IGF1R: variants seen among roughly 807,000 people sequenced by gnomAD.
The protein encoded by IGF1R is insulin like growth factor 1 receptor.
Under a neutral mutation model 144.6 loss-of-function variants are expected in IGF1R, and 44 were observed. That is an observed-to-expected ratio of 0.30 (90% CI 0.24 to 0.39). IGF1R has a LOEUF of 0.39. Ranked by LOEUF, IGF1R falls within the 10% of genes least tolerant of loss-of-function variation. The probability of loss-of-function intolerance (pLI) is 1.00; values close to 1 mark genes in which losing one functional copy is unlikely to be tolerated. For missense variants in IGF1R, 1,355 were observed against 1,833.7 expected (o/e 0.74, Z 4.77); for synonymous variants, 795 against 722.8 (o/e 1.10, Z -1.60).
At chr15:98,928,387 C>G (rs1005157118) in intron 13 of IGF1R, among the ~76,000 whole-genome samples, 1 of 152,318 alleles carries the variant, frequency 6.6e-6, no homozygotes. Context: ...AGTGCCTTCT[C>G]TTACTGCCAG....
intron 19 of IGF1R, 47 bp downstream of exon 19, chr15:98,943,099 G>A (rs2151719327): frequency 6.2e-7 from 1 of 1,609,920 alleles, no homozygotes; most frequent in South Asian, 1.1e-5. Context: ...CCCAGCCTCT[G>A]CACTTTCCAC....
At chr15:98,811,434 G>A (rs1471435090) in intron 2 of IGF1R, among the ~76,000 whole-genome samples, 3 of 151,434 alleles carry the variant, frequency 2.0e-5, no homozygotes, top group African/African-American at 2.4e-5. Context: ...GGAGGCTGAG[G>A]CAGGAGAATG....
chr15:98,855,096 C>A lies in IGF1R; in HGVS notation c.641-36229C>A, dbSNP rs527837154. On this transcript the variant is annotated intron_variant, in intron 2 of 20. Transcript: ENST00000650285. ...TTGTTTGTTTTTCCTGTCAATCTTG[C>A]CTTCCGCGCTAATGGGACACTGATG... 4.6e-5 allele frequency among the ~76,000 whole-genome samples: 7 copies of A among 152,344 alleles called. No individual in the cohort carries two copies. The East Asian group carries it at 1.3e-3, about 29-fold the overall frequency.
At chr15:98,895,267 CAG>C (rs1454689657) in intron 3 of IGF1R, among the ~76,000 whole-genome samples, 9 of 134,500 alleles carry the variant, frequency 6.7e-5, no homozygotes, top group African/African-American at 1.9e-4. Context: ...CACACACACA[CAG>C]AGTTAATTTC....
At chr15:98,915,511 C>T (rs1392686200) in intron 8 of IGF1R, among the ~76,000 whole-genome samples, 1 of 152,232 alleles carries the variant, frequency 6.6e-6, no homozygotes, top group East Asian at 1.9e-4. Flanking sequence ...TTCCTCTTTC[C>T]ATTTGGCTTC....
intron 2 of IGF1R, among the ~76,000 whole-genome samples, chr15:98,884,195 G>T (rs1426744511): frequency 6.6e-6 from 1 of 152,054 alleles, no homozygotes; most frequent in Non-Finnish European, 1.5e-5. Flanking sequence ...TCTCTCCTGG[G>T]TCCCCCGGGC....
intron 1 of IGF1R, among the ~76,000 whole-genome samples, chr15:98,676,033 T>C (rs1011092078): frequency 3.3e-5 from 5 of 152,096 alleles, no homozygotes; most frequent in Non-Finnish European, 5.9e-5. Context: ...TTTCCACATG[T>C]TGGCCTGGCT....
chr15:98,930,226 T>C lies in IGF1R; in HGVS notation c.2886-9T>C, dbSNP rs1325414276. The C allele has an allele frequency of 6.2e-7, 1 of 1,609,956 alleles. No individual in the cohort carries two copies. The highest frequency in any genetic ancestry group is 8.5e-7 in the Non-Finnish European group (1 of 1,176,482). On this transcript the variant is annotated splice_polypyrimidine_tract_variant and intron_variant, in intron 14 of 20. Transcript: ENST00000650285. ...GGTTTTGTTAACGTGAATTTAATCTTTTTGACAGAAATAACAGCAGGCTGG... is the reference window on the plus strand; with the variant it reads ...GGTTTTGTTAACGTGAATTTAATCTCTTTGACAGAAATAACAGCAGGCTGG...
rs2017288246 is a variant in IGF1R, at chr15:98,963,087, T to G, written c.*5645T>G. Reference sequence around the variant, plus strand: ...GAAGATCTGGTTTACAAGAACTAATTAAATGTTTCATTGCATTTTTGTAAG... The same window carrying G: ...GAAGATCTGGTTTACAAGAACTAATGAAATGTTTCATTGCATTTTTGTAAG... On this transcript the variant is annotated 3_prime_UTR_variant, in exon 21 of 21. Transcript: ENST00000650285. The G allele has an allele frequency of 4.3e-6, 1 of 233,492 alleles. No homozygotes were observed. Among genetic ancestry groups the G allele is most frequent in the African/African-American group, 2.2e-5 (1 of 45,272 alleles). 14.5% of individuals were successfully genotyped at this position (233,492 alleles called of 1,614,324 possible). A position where few individuals can be genotyped will look rare whatever the true frequency, so the allele number is the denominator to read the frequency against.
At chr15:98,931,696 TAAAAAA>T (rs61131708) in intron 15 of IGF1R, among the ~76,000 whole-genome samples, 1 of 146,352 alleles carries the variant, frequency 6.8e-6, no homozygotes, top group African/African-American at 2.5e-5. Context: ...TCTTTCCCTT[TAAAAAA>T]AAAAAAAAAA....
chr15:98,657,286 TC>T (rs1276661347), intron 1 of IGF1R, among the ~76,000 whole-genome samples: 1 of 152,228 alleles, frequency 6.6e-6, no homozygotes, highest in African/African-American at 2.4e-5. Flanking sequence ...TTTGATAACT[TC>T]CTGGAAAAAG....
rs1567059341 is a variant in IGF1R, at chr15:98,654,677, C to A, written c.94+5002C>A. 3.9e-5 allele frequency among the ~76,000 whole-genome samples: 6 copies of A among 152,232 alleles called. 1 individual carries two copies. The South Asian group carries it at 1.2e-3, about 32-fold the overall frequency. On this transcript the variant is annotated intron_variant, in intron 1 of 20. Coordinates refer to ENST00000650285, the MANE Select transcript of IGF1R (RefSeq NM_000875.5). ...TAGTTCATGGAAGAGGTATTTGCGC[C>A]TGTGGGCGAACTTGATTTGAACTGC... is the stretch of plus-strand genomic sequence containing the variant.
chr15:98,937,353 A>T (rs1297328082), intron 17 of IGF1R, among the ~76,000 whole-genome samples: 4 of 152,084 alleles, frequency 2.6e-5, no homozygotes, highest in Non-Finnish European at 4.4e-5. Flanking sequence ...AAAATTCAGA[A>T]CACATGGCCT....
rs752236741 is a variant in IGF1R, at chr15:98,908,835, G to A, written c.1398G>A (p.Thr466=). Residue 466 remains threonine (T), a synonymous_variant, in exon 6 of 21, where the codon ACG becomes ACA. Transcript: ENST00000650285. ...VSEIYRMEEV[T]GTKGRQSKGD... ...AAATTTACCGCATGGAGGAAGTGAC[G>A]GGGACTAAAGGGCGCCAAAGCAAAG... 5.0e-6 allele frequency: 8 copies of A among 1,614,118 alleles called. No homozygotes were observed. The highest frequency in any genetic ancestry group is 3.3e-5 in the Admixed American group (2 of 60,014).
chr15:98,773,413 T>G (rs2055639315), intron 2 of IGF1R, among the ~76,000 whole-genome samples: 1 of 152,194 alleles, frequency 6.6e-6, no homozygotes, highest in South Asian at 2.1e-4. Context: ...TGAGGGGAAG[T>G]TAAAATGCTA....
intron 2 of IGF1R, among the ~76,000 whole-genome samples, chr15:98,754,339 T>TC (rs2055094723): frequency 1.3e-5 from 2 of 152,208 alleles, no homozygotes; most frequent in African/African-American, 4.8e-5. Context: ...TTCCTTTTTG[T>TC]CCTTTTCTCA....
chr15:98,751,649 C>T (rs1006125337), intron 2 of IGF1R, among the ~76,000 whole-genome samples: 1 of 152,138 alleles, frequency 6.6e-6, no homozygotes, highest in African/African-American at 2.4e-5. Context: ...CAAATTATCT[C>T]CCTACAATAC....
intron 20 of IGF1R, among the ~76,000 whole-genome samples, chr15:98,950,432 C>G (rs1399647236): frequency 1.3e-5 from 2 of 152,212 alleles, no homozygotes; most frequent in Admixed American, 1.3e-4. Flanking sequence ...GGGCTGCAGT[C>G]TCACCTGAGG....
At chr15:98,744,050 C>A (rs1160248114) in intron 2 of IGF1R, among the ~76,000 whole-genome samples, 3 of 152,058 alleles carry the variant, frequency 2.0e-5, no homozygotes, top group Non-Finnish European at 2.9e-5. Context: ...TGAGACACTT[C>A]TGAGTCAAGC....
Sources: allele counts gnomAD v4.1 joint callset (sites outside exome capture counted in the v4.1 genomes callset), GRCh38; gene constraint gnomAD v4.1.1; transcripts MANE v1.5; gene names NCBI Gene and HGNC (gene_info 2026-07-23, HGNC 2026-07-21).